SMIM13: variants seen among roughly 807,000 people sequenced by gnomAD.
SMIM13 encodes UPF0766 protein C6orf228.
Under a neutral mutation model 5.9 loss-of-function variants are expected in SMIM13, and 3 were observed. The ratio of observed to expected loss-of-function variants is 0.51; its 90% CI spans 0.23 to 1.31. SMIM13 has a LOEUF of 1.31. Ranked by LOEUF, SMIM13 falls within the 40% of genes most tolerant of loss-of-function variation. SMIM13 has a pLI of 0.18. For synonymous variants in SMIM13, 55 were observed against 46.0 expected (o/e 1.19, Z -0.79); for missense variants, 85 against 109.9 (o/e 0.77, Z 1.01).
chr6:11,125,932 C>T (rs1758371380), intron 1 of SMIM13, among the ~76,000 whole-genome samples: 1 of 152,210 alleles, frequency 6.6e-6, no homozygotes, highest in African/African-American at 2.4e-5. Context: ...ATCTCTCTCT[C>T]TACCTCCTCT....
chr6:11,128,890 G>T (rs1003945446), intron 1 of SMIM13, among the ~76,000 whole-genome samples: 4 of 152,150 alleles, frequency 2.6e-5, no homozygotes, highest in Non-Finnish European at 5.9e-5. Flanking sequence ...TCCATGGCAT[G>T]TGACTGCTGC....
chr6:11,126,347 C>A (rs567653625), intron 1 of SMIM13, among the ~76,000 whole-genome samples: 1 of 152,288 alleles, frequency 6.6e-6, no homozygotes, highest in South Asian at 2.1e-4. Flanking sequence ...GGCGCCCAGC[C>A]CTGGCTGCGT....
At chr6:11,104,631 C>T (rs748546197) in intron 1 of SMIM13, 2 of 1,614,202 alleles carry the variant, frequency 1.2e-6, no homozygotes, top group East Asian at 4.5e-5. Context: ...CAATAGAACC[C>T]ATTCCGCTGT....
intron 1 of SMIM13, among the ~76,000 whole-genome samples, chr6:11,113,233 C>A (rs1758193519): frequency 6.6e-6 from 1 of 152,328 alleles, no homozygotes; most frequent in East Asian, 1.9e-4. Context: ...AACTGCCAAA[C>A]ATTTGCATTG....
chr6:11,107,603 G>A (rs573178783), intron 1 of SMIM13, among the ~76,000 whole-genome samples: 6 of 152,288 alleles, frequency 3.9e-5, no homozygotes, highest in South Asian at 2.1e-4. Context: ...AGGATGGGTC[G>A]AGGGGGAGAT....
At chr6:11,119,528 C>T (rs1289676115) in intron 1 of SMIM13, among the ~76,000 whole-genome samples, 1 of 152,074 alleles carries the variant, frequency 6.6e-6, no homozygotes, top group Non-Finnish European at 1.5e-5. Context: ...GTGGCGGGCC[C>T]CTGTTGTCCC....
rs2113673315 is a variant in SMIM13, at chr6:11,135,925, T to C, written c.*1323T>C. The C allele has an allele frequency of 6.6e-6, 1 of 152,322 alleles. No homozygotes were observed. 9.4% of individuals were successfully genotyped at this position (152,322 alleles called of 1,614,324 possible). On this transcript the variant is annotated 3_prime_UTR_variant, in exon 2 of 2. Coordinates refer to ENST00000416247, the MANE Select transcript of SMIM13 (RefSeq NM_001135575.2). ...TAAATTAAAAATGGTAGCTTGTAAA[T>C]TTATTTTTCTTTTTAAGATAGCAGT...
intron 1 of SMIM13, among the ~76,000 whole-genome samples, chr6:11,127,969 G>T (rs920580187): frequency 6.6e-6 from 1 of 152,154 alleles, no homozygotes; most frequent in Non-Finnish European, 1.5e-5. Context: ...AGGAGCCAAG[G>T]CCTGGAATTG....
chr6:11,097,629 T>C (rs556430896), intron 1 of SMIM13, among the ~76,000 whole-genome samples: 1 of 147,194 alleles, frequency 6.8e-6, no homozygotes, highest in East Asian at 2.0e-4. Context: ...CATTGCACCA[T>C]AGCACTCCAG....
At position 11,138,185 on chromosome 6, in the gene SMIM13, C is replaced by T. The variant is rs1758538804; in HGVS notation, c.*3583C>T. The T allele has an allele frequency of 6.6e-6, 1 of 152,104 alleles. No individual in the cohort carries two copies. Among genetic ancestry groups the T allele is most frequent in the Non-Finnish European group, 1.5e-5 (1 of 68,010 alleles). The allele number at this position is 152,104 out of a possible 1,614,324, so 9.4% of individuals were successfully genotyped here. ...AAGTGCTTTTTATATTTGAGGTTGA[C>T]TTTAAAAAGCCATTGAGCAGTCCTC... On this transcript the variant is annotated 3_prime_UTR_variant, in exon 2 of 2. Transcript: ENST00000416247.
chr6:11,130,860 G>A lies in SMIM13; in HGVS notation c.77-3543G>A, dbSNP rs566304179. 1.9e-3 allele frequency among the ~76,000 whole-genome samples: 292 copies of A among 152,116 alleles called. 2 individuals are homozygous for A. The highest frequency in any genetic ancestry group is 6.8e-3 in the African/African-American group (282 of 41,476). On this transcript the variant is annotated intron_variant, in intron 1 of 1. Transcript: ENST00000416247. The stretch of plus-strand genomic sequence containing the variant: ...AGTACTTTATGGCAGGAACCCCACT[G>A]GTGAGGCCCTTTATCATAGCCTTTT...
rs530185999 is a variant in SMIM13, at chr6:11,112,755, T to C, written c.76+18366T>C. Among the ~76,000 whole-genome samples, 143 of 152,298 alleles carry C rather than the reference T, an allele frequency of 9.4e-4. 3 individuals carry two copies. The South Asian group carries it at 0.028, about 30-fold the overall frequency. ...CACAATTTGTTTATCCATTTACTCATTGATGGACATGAGAGTGGTTTCCAG... is the reference window on the plus strand; with the variant it reads ...CACAATTTGTTTATCCATTTACTCACTGATGGACATGAGAGTGGTTTCCAG... On this transcript the variant is annotated intron_variant, in intron 1 of 1. Coordinates refer to ENST00000416247, the MANE Select transcript of SMIM13 (RefSeq NM_001135575.2).
intron 1 of SMIM13, among the ~76,000 whole-genome samples, chr6:11,121,683 T>C (rs1409240603): frequency 6.6e-6 from 1 of 152,254 alleles, no homozygotes; most frequent in African/African-American, 2.4e-5. Flanking sequence ...TGCACTTGTC[T>C]TCTCTTCCAC....
chr6:11,116,982 CTTTTTTT>C (rs68092921), intron 1 of SMIM13, among the ~76,000 whole-genome samples: 12 of 46,442 alleles, frequency 2.6e-4, no homozygotes, highest in East Asian at 2.0e-3. Flanking sequence ...ATAATTGTTT[CTTTTTTT>C]TTTTTTTTTT....
rs1318848356 is a variant in SMIM13 at position 11,136,796 on chromosome 6, A to C, written c.*2194A>C. 2 of 151,826 alleles carry C rather than the reference A, an allele frequency of 1.3e-5. No homozygotes were observed. The highest frequency in any genetic ancestry group is 3.8e-4 in the East Asian group (2 of 5,202). The allele number at this position is 151,826 out of a possible 1,614,324, so 9.4% of individuals were successfully genotyped here. ...TAATTTTAATGCTTCCTACTAGCTA[A>C]ATATCATCTTAAAATGATTATCAGA... On this transcript the variant is annotated 3_prime_UTR_variant, in exon 2 of 2. Coordinates refer to ENST00000416247, the MANE Select transcript of SMIM13 (RefSeq NM_001135575.2).
At chr6:11,115,597 C>T (rs1030907829) in intron 1 of SMIM13, among the ~76,000 whole-genome samples, 1 of 152,036 alleles carries the variant, frequency 6.6e-6, no homozygotes, top group African/African-American at 2.4e-5. Flanking sequence ...TTTCAAAATC[C>T]CTTCATCTTT....
At chr6:11,117,337 G>A (rs9986670) in intron 1 of SMIM13, among the ~76,000 whole-genome samples, 1 of 78,320 alleles carries the variant, frequency 1.3e-5, no homozygotes, top group African/African-American at 6.3e-5. Context: ...CTAATTTTTT[G>A]TATTTTTTTT....
Position 11,134,640 on chromosome 6 carries a change from TTC to T in SMIM13, c.*40_*41del, listed in dbSNP as rs755726327. ...GAAGGATGAAAAGGCAGTTGCCAGC[TTC>T]TGTCTTTTACTGACTTCGCTTTGAA... On this transcript the variant is annotated 3_prime_UTR_variant, in exon 2 of 2. Transcript: ENST00000416247. The T allele has an allele frequency of 7.2e-7, 1 of 1,386,522 alleles. No homozygotes were observed. Among genetic ancestry groups the T allele is most frequent in the South Asian group, 1.7e-5 (1 of 58,182 alleles). The allele number at this position is 1,386,522 out of a possible 1,614,324, so 85.9% of individuals were successfully genotyped here.
intron 1 of SMIM13, among the ~76,000 whole-genome samples, chr6:11,095,811 A>C (rs1053615418): frequency 3.3e-5 from 5 of 152,184 alleles, no homozygotes; most frequent in African/African-American, 1.2e-4. Flanking sequence ...ATATTGAACT[A>C]ATTGTAGATG....
Sources: allele counts gnomAD v4.1 joint callset (sites outside exome capture counted in the v4.1 genomes callset), GRCh38; gene constraint gnomAD v4.1.1; transcripts MANE v1.5; gene names NCBI Gene and HGNC (gene_info 2026-07-23, HGNC 2026-07-21).